CTNND2: variants seen among roughly 807,000 people sequenced by gnomAD.
The protein encoded by CTNND2 is catenin delta-2.
A neutral mutation model predicts 144.4 loss-of-function variants in CTNND2; 22 were observed. That is an observed-to-expected ratio of 0.15 (90% CI 0.11 to 0.22). The LOEUF (loss-of-function observed/expected upper bound fraction) is 0.22. CTNND2 is among the 10% of genes least tolerant of loss of function. CTNND2 has a pLI of 1.00. For missense variants in CTNND2, 1,353 were observed against 1,618.8 expected (o/e 0.84, Z 2.82); for synonymous variants, 751 against 695.6 (o/e 1.08, Z -1.25).
intron 3 of CTNND2, among the ~76,000 whole-genome samples, chr5:11,492,063 G>A (rs1177556785): frequency 1.3e-5 from 2 of 152,186 alleles, no homozygotes; most frequent in African/African-American, 4.8e-5. Context: ...TTAAGTGTGA[G>A]ATGGAAACCG....
At chr5:11,736,403 G>A (rs1298105027) in intron 1 of CTNND2, among the ~76,000 whole-genome samples, 2 of 152,100 alleles carry the variant, frequency 1.3e-5, no homozygotes, top group East Asian at 1.9e-4. Flanking sequence ...CAGAGCTACC[G>A]CTACCTAAAG....
At chr5:11,290,406 T>C (rs1007526253) in intron 9 of CTNND2, among the ~76,000 whole-genome samples, 3 of 152,232 alleles carry the variant, frequency 2.0e-5, no homozygotes, top group Non-Finnish European at 4.4e-5. Context: ...GCTCACACAA[T>C]GATAGTGCAT....
chr5:11,725,975 C>G (rs987721890), intron 2 of CTNND2, among the ~76,000 whole-genome samples: 1 of 152,160 alleles, frequency 6.6e-6, no homozygotes, highest in African/African-American at 2.4e-5. Flanking sequence ...TTGTGCAAAC[C>G]ATGCACAGCG....
intron 2 of CTNND2, among the ~76,000 whole-genome samples, chr5:11,678,267 T>C (rs895078403): frequency 6.6e-6 from 1 of 152,194 alleles, no homozygotes; most frequent in African/African-American, 2.4e-5. Context: ...GTGTACTTAT[T>C]TATTATTCAA....
intron 2 of CTNND2, among the ~76,000 whole-genome samples, chr5:11,707,926 TAAGAAC>T (rs1413847139): frequency 3.3e-5 from 5 of 152,256 alleles, no homozygotes; most frequent in Non-Finnish European, 7.3e-5. Context: ...TAAATATTTC[TAAGAAC>T]TTTCCACTCC....
intron 10 of CTNND2, among the ~76,000 whole-genome samples, chr5:11,224,778 C>CGGA (rs1740155021): frequency 1.3e-5 from 2 of 152,172 alleles, no homozygotes; most frequent in African/African-American, 4.8e-5. Flanking sequence ...TCTCTTATTT[C>CGGA]TGAGTCTTTC....
intron 2 of CTNND2, among the ~76,000 whole-genome samples, chr5:11,727,524 T>C (rs1787089558): frequency 6.6e-6 from 1 of 152,228 alleles, no homozygotes; most frequent in African/African-American, 2.4e-5. Flanking sequence ...GCATGCTTTT[T>C]TTTTCATTTC....
intron 16 of CTNND2, among the ~76,000 whole-genome samples, chr5:11,025,973 A>G (rs1032248862): frequency 2.0e-5 from 3 of 152,224 alleles, no homozygotes; most frequent in African/African-American, 7.2e-5. Flanking sequence ...AGGAAACTGC[A>G]AAGTGGGTGG....
At chr5:11,766,070 C>T (rs1789570792) in intron 1 of CTNND2, among the ~76,000 whole-genome samples, 1 of 152,136 alleles carries the variant, frequency 6.6e-6, no homozygotes, top group African/African-American at 2.4e-5. Flanking sequence ...TATTTACCTT[C>T]TGTAATAAGG....
At chr5:11,645,902 ATTAT>A (rs1782318911) in intron 2 of CTNND2, among the ~76,000 whole-genome samples, 1 of 152,180 alleles carries the variant, frequency 6.6e-6, no homozygotes, top group Non-Finnish European at 1.5e-5. Context: ...TAAACAGTAC[ATTAT>A]TTATCTAGCT....
rs867816408 is a variant in CTNND2, at chr5:11,594,072, C to T, written c.175-29016G>A. On this transcript the variant is annotated intron_variant, in intron 2 of 21. Coordinates refer to ENST00000304623, the MANE Select transcript of CTNND2 (RefSeq NM_001332.4). The stretch of plus-strand genomic sequence containing the variant: ...TCAGCAATTCTACTCGATAATGCCA[C>T]AAACTAAAAAATGTGCACATAAGCA... 1.4e-4 allele frequency among the ~76,000 whole-genome samples: 21 copies of T among 152,288 alleles called. No individual in the cohort carries two copies. The Middle Eastern group carries it at 0.01, about 74-fold the overall frequency.
chr5:11,235,569 G>A (rs1386222252), intron 10 of CTNND2, among the ~76,000 whole-genome samples: 1 of 152,152 alleles, frequency 6.6e-6, no homozygotes, highest in Non-Finnish European at 1.5e-5. Context: ...GGGCTGCCCT[G>A]CACTTTCTGG....
intron 9 of CTNND2, among the ~76,000 whole-genome samples, chr5:11,334,763 G>A (rs1753568796): frequency 6.6e-6 from 1 of 152,166 alleles, no homozygotes; most frequent in Admixed American, 6.5e-5. Flanking sequence ...AAATGTCTCA[G>A]TTAACAAACA....
intron 11 of CTNND2, among the ~76,000 whole-genome samples, chr5:11,160,661 C>A (rs1560947572): frequency 6.6e-6 from 1 of 152,118 alleles, no homozygotes; most frequent in Non-Finnish European, 1.5e-5. Flanking sequence ...CCTGTATACA[C>A]CCTGAACCTA....
Position 11,384,406 on chromosome 5 carries a change from G to A in CTNND2, c.1177+259C>T. ...TAGTCTTTAGGCTGGGGAGAGGGCA[G>A]AGAGAGAAGAGAGGAGAGAAGAGAG... On this transcript the variant is annotated intron_variant, in intron 7 of 21. Coordinates refer to ENST00000304623, the MANE Select transcript of CTNND2 (RefSeq NM_001332.4). The surrounding 1 kb of genome is among the most constrained non-coding windows in gnomAD (Gnocchi z 5.2). The A allele has an allele frequency of 1.9e-6, 1 of 513,148 alleles. No homozygotes were observed. Among genetic ancestry groups the A allele is most frequent in the South Asian group, 3.0e-5 (1 of 33,308 alleles). 31.8% of individuals were successfully genotyped at this position (513,148 alleles called of 1,614,324 possible). A position where few individuals can be genotyped will look rare whatever the true frequency, so the allele number is the denominator to read the frequency against.
intron 12 of CTNND2, among the ~76,000 whole-genome samples, chr5:11,128,741 T>TTATATATTATA (rs1554049707): frequency 1.6e-5 from 1 of 61,980 alleles, no homozygotes; most frequent in Admixed American, 2.6e-4. Flanking sequence ...ATATATATAT[T>TTATATATTATA]TATATATATT....
intron 9 of CTNND2, among the ~76,000 whole-genome samples, chr5:11,318,137 C>CT (rs1419546776): frequency 6.6e-6 from 1 of 152,130 alleles, no homozygotes; most frequent in African/African-American, 2.4e-5. Context: ...AATCTGAATT[C>CT]TTTCTTTATG....
chr5:11,633,850 A>G (rs1321126865), intron 2 of CTNND2, among the ~76,000 whole-genome samples: 1 of 152,084 alleles, frequency 6.6e-6, no homozygotes, highest in Non-Finnish European at 1.5e-5. Flanking sequence ...CCAGAAATAA[A>G]CCTGGACATC....
chr5:11,782,921 A>T (rs1015566896), intron 1 of CTNND2, among the ~76,000 whole-genome samples: 12 of 152,212 alleles, frequency 7.9e-5, no homozygotes, highest in Non-Finnish European at 1.8e-4. Flanking sequence ...CTCAGAAAGG[A>T]TTCAGATGAA....
Sources: allele counts gnomAD v4.1 joint callset (sites outside exome capture counted in the v4.1 genomes callset), GRCh38; gene constraint gnomAD v4.1.1; non-coding constraint Gnocchi (gnomAD v3.1); transcripts MANE v1.5; gene names NCBI Gene and HGNC (gene_info 2026-07-23, HGNC 2026-07-21).